ZFYVE9: variants seen among roughly 807,000 people sequenced by gnomAD.
ZFYVE9 encodes zinc finger FYVE-type containing 9, also known as zinc finger FYVE domain-containing protein 9.
ZFYVE9 carries 43 observed loss-of-function variants against 126.7 expected under a neutral mutation model. The ratio of observed to expected loss-of-function variants is 0.34; its 90% CI spans 0.27 to 0.44. ZFYVE9 has a LOEUF of 0.44. Among genes scored for constraint, ZFYVE9 ranks in the 20% least tolerant of loss-of-function variants. The pLI is 1.00. For missense variants in ZFYVE9, 1,476 were observed against 1,697.0 expected (o/e 0.87, Z 2.29); for synonymous variants, 521 against 597.4 (o/e 0.87, Z 1.87).
intron 13 of ZFYVE9, among the ~76,000 whole-genome samples, chr1:52,326,952 G>A (rs1206739448): frequency 2.0e-5 from 3 of 152,018 alleles, no homozygotes; most frequent in Admixed American, 2.0e-4. Context: ...CACCAGGTCA[G>A]GAGATAGAGA....
At chr1:52,209,337 G>A (rs567562397) in intron 1 of ZFYVE9, among the ~76,000 whole-genome samples, 1 of 152,046 alleles carries the variant, frequency 6.6e-6, no homozygotes, top group South Asian at 2.1e-4. Flanking sequence ...TTTTTTAACT[G>A]GTTTTTAAGA....
chr1:52,271,600 C>T (rs1645693388), intron 7 of ZFYVE9, among the ~76,000 whole-genome samples: 1 of 152,010 alleles, frequency 6.6e-6, no homozygotes, highest in African/African-American at 2.4e-5. Flanking sequence ...ACCAACTGAC[C>T]ACTTTTTATG....
chr1:52,315,056 A>C (rs780363691), intron 13 of ZFYVE9, among the ~76,000 whole-genome samples: 2 of 152,236 alleles, frequency 1.3e-5, no homozygotes, highest in Non-Finnish European at 2.9e-5. Context: ...CTGGATCTAC[A>C]CAAAGGAATG....
intron 1 of ZFYVE9, among the ~76,000 whole-genome samples, chr1:52,163,906 TCAA>T (rs1469865976): frequency 6.6e-6 from 1 of 152,154 alleles, no homozygotes; most frequent in Non-Finnish European, 1.5e-5. Context: ...ATATTTATGG[TCAA>T]CACTATTCAG....
chr1:52,333,569 C>T (rs1233876457), intron 14 of ZFYVE9, among the ~76,000 whole-genome samples: 1 of 152,122 alleles, frequency 6.6e-6, no homozygotes, highest in Non-Finnish European at 1.5e-5. Context: ...AAGCATTGCT[C>T]AAGAGGCGTT....
intron 4 of ZFYVE9, among the ~76,000 whole-genome samples, chr1:52,247,830 C>G (rs1046900215): frequency 2.6e-5 from 4 of 152,110 alleles, no homozygotes; most frequent in African/African-American, 9.7e-5. Flanking sequence ...AACTTCCCAT[C>G]TTTCCTTGCC....
At chr1:52,213,606 C>T (rs781477805) in intron 1 of ZFYVE9, among the ~76,000 whole-genome samples, 3 of 151,720 alleles carry the variant, frequency 2.0e-5, no homozygotes, top group South Asian at 2.1e-4. Context: ...GAGCCGAGAT[C>T]GTGTCACTGC....
At chr1:52,164,941 T>C (rs1049607272) in intron 1 of ZFYVE9, among the ~76,000 whole-genome samples, 4 of 151,980 alleles carry the variant, frequency 2.6e-5, no homozygotes, top group Non-Finnish European at 4.4e-5. Flanking sequence ...GAAGGGGAGA[T>C]GGGGATCAGT....
chr1:52,283,449 G>A (rs529765808), intron 10 of ZFYVE9, among the ~76,000 whole-genome samples: 3 of 152,324 alleles, frequency 2.0e-5, no homozygotes, highest in Admixed American at 6.5e-5. Context: ...ATCAAAGTCC[G>A]TGAGTCTGGT....
chr1:52,180,194 C>T (rs766790461), intron 1 of ZFYVE9: 12 of 1,564,346 alleles, frequency 7.7e-6, no homozygotes, highest in Non-Finnish European at 9.7e-6. Flanking sequence ...TGCACCTTTA[C>T]AAACAAGGAA....
intron 1 of ZFYVE9, among the ~76,000 whole-genome samples, chr1:52,144,803 A>C (rs935436843): frequency 6.6e-6 from 1 of 152,202 alleles, no homozygotes; most frequent in Non-Finnish European, 1.5e-5. Flanking sequence ...CTTGTCATTT[A>C]CTTTGGCACT....
intron 13 of ZFYVE9, among the ~76,000 whole-genome samples, chr1:52,323,480 T>C (rs776353859): frequency 2.6e-5 from 4 of 152,234 alleles, no homozygotes; most frequent in Non-Finnish European, 5.9e-5. Context: ...TGTCTACTAC[T>C]GAATAAAGCA....
chr1:52,168,223 T>TTC (rs1455734346), intron 1 of ZFYVE9, among the ~76,000 whole-genome samples: 7 of 140,666 alleles, frequency 5.0e-5, no homozygotes, highest in Non-Finnish European at 9.4e-5. Context: ...TCTTTTTTTT[T>TTC]TTTTTTTTTT....
In ZFYVE9 at chr1:52,346,464, CA is replaced by C; in HGVS notation, c.*245del. The C allele has an allele frequency of 4.5e-6, 2 of 447,420 alleles. No individual in the cohort carries two copies. The highest frequency in any genetic ancestry group is 7.6e-5 in the Admixed American group (2 of 26,406). The allele number at this position is 447,420 out of a possible 1,614,324, so 27.7% of individuals were successfully genotyped here. Reference sequence around the variant, plus strand: ...GATCTGGGCAGCTTCTGTTCCTGCACAACAGTTATGCTATCCTTGCAGCTAA... The same window carrying C: ...GATCTGGGCAGCTTCTGTTCCTGCACACAGTTATGCTATCCTTGCAGCTAA... On this transcript the variant is annotated 3_prime_UTR_variant, in exon 19 of 19. Transcript: ENST00000287727.
At chr1:52,227,285 T>C (rs1645179413) in intron 2 of ZFYVE9, among the ~76,000 whole-genome samples, 1 of 152,254 alleles carries the variant, frequency 6.6e-6, no homozygotes, top group Non-Finnish European at 1.5e-5. Context: ...TCTCCTCCTT[T>C]AGCCTTTTCA....
chr1:52,190,569 A>G (rs1277676868), intron 1 of ZFYVE9, among the ~76,000 whole-genome samples: 1 of 152,196 alleles, frequency 6.6e-6, no homozygotes, highest in Non-Finnish European at 1.5e-5. Flanking sequence ...TTAGATGCTT[A>G]AAAGATTTTC....
At chr1:52,150,003 T>C (rs1051447687) in intron 1 of ZFYVE9, 11 of 152,344 alleles carry the variant, frequency 7.2e-5, no homozygotes, top group Non-Finnish European at 1.5e-4. Context: ...ATCTGTGAGA[T>C]TTCATTTTAT....
chr1:52,206,449 T>C (rs935638118), intron 1 of ZFYVE9, among the ~76,000 whole-genome samples: 3 of 152,224 alleles, frequency 2.0e-5, no homozygotes, highest in Admixed American at 6.5e-5. Flanking sequence ...TTAATTAATA[T>C]TTCAGTCATG....
Position 52,242,625 on chromosome 1 carries a change from A to G in ZFYVE9, c.2178+3030A>G, listed in dbSNP as rs557672054. ...ATAACGGGTGTAAGAACTTTGGAAA[A>G]TATTTTAAATTAGTCATGTGTATTG... is the stretch of plus-strand genomic sequence containing the variant. On this transcript the variant is annotated intron_variant, in intron 4 of 18. Coordinates refer to ENST00000287727, the MANE Select transcript of ZFYVE9 (RefSeq NM_004799.4). Among the ~76,000 whole-genome samples the G allele has an allele frequency of 3.3e-5, 5 of 152,234 alleles. No homozygotes were observed. The South Asian group carries it at 1.0e-3, about 32-fold the overall frequency.
Sources: allele counts gnomAD v4.1 joint callset (sites outside exome capture counted in the v4.1 genomes callset), GRCh38; gene constraint gnomAD v4.1.1; transcripts MANE v1.5; gene names NCBI Gene and HGNC (gene_info 2026-07-23, HGNC 2026-07-21).